Variants in KCNN2 observed in about 807,000 individuals in gnomAD.
KCNN2 encodes potassium calcium-activated channel subfamily N member 2.
KCNN2 carries 24 observed loss-of-function variants against 55.5 expected under a neutral mutation model. The observed-to-expected ratio is 0.43, with a 90% CI of 0.31 to 0.61. The LOEUF is 0.61. Ranked by LOEUF, KCNN2 falls within the 20% of genes least tolerant of loss-of-function variation. The pLI, the probability that KCNN2 is intolerant of heterozygous loss-of-function variation, is 0.08. For synonymous variants in KCNN2, 431 were observed against 336.1 expected (o/e 1.28, Z -3.09); for missense variants, 754 against 853.6 (o/e 0.88, Z 1.45).
intron 2 of KCNN2, among the ~76,000 whole-genome samples, chr5:114,254,196 T>C (rs993385494): frequency 6.6e-6 from 1 of 152,138 alleles, no homozygotes; most frequent in Non-Finnish European, 1.5e-5. Context: ...AGGCTCTGTA[T>C]TAATGAAAAA....
intron 1 of KCNN2, among the ~76,000 whole-genome samples, chr5:114,068,296 A>G (rs1750492143): frequency 6.6e-6 from 1 of 152,252 alleles, no homozygotes; most frequent in South Asian, 2.1e-4. Context: ...TGCCCTGTTT[A>G]GAAAACAGAC....
At chr5:114,326,906 A>G (rs147494978) in intron 2 of KCNN2, among the ~76,000 whole-genome samples, 53 of 152,270 alleles carry the variant, frequency 3.5e-4, no homozygotes, top group Middle Eastern at 3.4e-3. Context: ...AATAGAGAAG[A>G]TACTGTTTAA....
intron 1 of KCNN2, among the ~76,000 whole-genome samples, chr5:114,194,672 A>G (rs528384414): frequency 6.6e-6 from 1 of 152,108 alleles, no homozygotes; most frequent in South Asian, 2.1e-4. Context: ...TATTGATGTT[A>G]TTATTTGCAG....
chr5:114,419,898 T>C (rs1050373651), intron 3 of KCNN2, among the ~76,000 whole-genome samples: 3 of 152,190 alleles, frequency 2.0e-5, no homozygotes, highest in Non-Finnish European at 4.4e-5. Context: ...CTTAAGAGGC[T>C]GAGGCAGCAG....
At chr5:114,460,232 T>TTTTG (rs530209198) in intron 3 of KCNN2, among the ~76,000 whole-genome samples, 3,245 of 152,156 alleles carry the variant, frequency 0.021, 64 homozygotes, top group Non-Finnish European at 0.03. Flanking sequence ...AAGGTTGTTT[T>TTTTG]TTTGTTTGTT....
chr5:114,120,324 A>G (rs1054117223), intron 1 of KCNN2, among the ~76,000 whole-genome samples: 4 of 152,160 alleles, frequency 2.6e-5, no homozygotes, highest in East Asian at 3.9e-4. Flanking sequence ...GTTGATTAAT[A>G]GGATTACACT....
At chr5:114,141,088 A>G (rs999092037) in intron 1 of KCNN2, among the ~76,000 whole-genome samples, 1 of 151,832 alleles carries the variant, frequency 6.6e-6, no homozygotes, top group African/African-American at 2.4e-5. Context: ...TGCCTGCTTC[A>G]TTATTATTAT....
intron 2 of KCNN2, among the ~76,000 whole-genome samples, chr5:114,380,174 C>T (rs890013209): frequency 6.6e-6 from 1 of 152,034 alleles, no homozygotes; most frequent in African/African-American, 2.4e-5. Flanking sequence ...AACATGCAGC[C>T]TGGACTCATC....
chr5:114,240,427 CT>C (rs201223682), intron 2 of KCNN2, among the ~76,000 whole-genome samples: 1,672 of 130,190 alleles, frequency 0.013, 17 homozygotes, highest in African/African-American at 0.043. Context: ...TTTTCTTTCT[CT>C]TTTTTTTTTT....
intron 1 of KCNN2, 119 bp downstream of exon 1, chr5:114,363,380 C>T (rs563194161): frequency 3.1e-6 from 4 of 1,273,186 alleles, no homozygotes; most frequent in East Asian, 2.6e-5. Context: ...CAAGGGAGCC[C>T]GCCAGGACAG....
At chr5:114,361,795 G>C (rs1470756387), upstream of KCNN2, among the ~76,000 whole-genome samples, 1 of 152,170 alleles carries the variant, frequency 6.6e-6, no homozygotes, top group Admixed American at 6.5e-5. Context: ...CACTGCGTGG[G>C]GGCTCTCCAT....
At chr5:114,462,367 T>A (rs150877718) in intron 3 of KCNN2, among the ~76,000 whole-genome samples, 1 of 152,216 alleles carries the variant, frequency 6.6e-6, no homozygotes, top group South Asian at 2.1e-4. Flanking sequence ...TCTTTGTGTA[T>A]AACTGGTAAG....
chr5:114,159,852 C>A (rs1387214851), intron 1 of KCNN2, among the ~76,000 whole-genome samples: 1 of 151,982 alleles, frequency 6.6e-6, no homozygotes. Flanking sequence ...TGGTGACATC[C>A]CCTTTGTCAT....
chr5:114,397,524 T>C (rs1300395183), intron 2 of KCNN2, among the ~76,000 whole-genome samples: 3 of 152,120 alleles, frequency 2.0e-5, no homozygotes, highest in Non-Finnish European at 2.9e-5. Flanking sequence ...GTAGCTGAGA[T>C]TACAAGCACG....
chr5:114,196,982 A>C (rs1385248320), intron 1 of KCNN2, among the ~76,000 whole-genome samples: 3 of 152,078 alleles, frequency 2.0e-5, no homozygotes, highest in Non-Finnish European at 4.4e-5. Flanking sequence ...ATTTACAGTT[A>C]TAAATTTCAC....
intron 6 of KCNN2, among the ~76,000 whole-genome samples, chr5:114,489,872 A>G (rs1747764137): frequency 6.6e-6 from 1 of 152,158 alleles, no homozygotes. Flanking sequence ...GAAAAATGTT[A>G]AAATTCATTC....
intron 2 of KCNN2, among the ~76,000 whole-genome samples, chr5:114,254,510 G>C: frequency 6.6e-6 from 1 of 152,112 alleles, no homozygotes; most frequent in East Asian, 1.9e-4. Flanking sequence ...TCTGCAGAAA[G>C]GTCTTCAAAA....
chr5:114,151,048 AAAAC>A (rs1284872225), intron 1 of KCNN2, among the ~76,000 whole-genome samples: 2 of 152,070 alleles, frequency 1.3e-5, no homozygotes, highest in East Asian at 3.9e-4. Context: ...CAACAACAAA[AAAAC>A]AAATAAAGCA....
chr5:114,129,715 T>G (rs1258509411), intron 1 of KCNN2, among the ~76,000 whole-genome samples: 1 of 152,222 alleles, frequency 6.6e-6, no homozygotes, highest in African/African-American at 2.4e-5. Context: ...TCCTCTATTG[T>G]GTGGCAGCAA....
Sources: allele counts gnomAD v4.1 joint callset (sites outside exome capture counted in the v4.1 genomes callset), GRCh38; gene constraint gnomAD v4.1.1; transcripts MANE v1.5; gene names NCBI Gene and HGNC (gene_info 2026-07-23, HGNC 2026-07-21).